The following VBP1 variants were observed in gnomAD, a reference collection of about 807,000 sequenced individuals.
The protein encoded by VBP1 is VHL binding protein 1.
Under a neutral mutation model 15.5 loss-of-function variants are expected in VBP1, and 4 were observed. The observed-to-expected ratio is 0.26, with a 90% CI of 0.13 to 0.59. The LOEUF (loss-of-function observed/expected upper bound fraction) is 0.59. VBP1 is among the 20% of genes least tolerant of loss of function. The probability of loss-of-function intolerance (pLI) is 0.90; values close to 1 mark genes in which losing one functional copy is unlikely to be tolerated. For missense variants in VBP1, 108 were observed against 139.6 expected (o/e 0.77, Z 1.14); for synonymous variants, 61 against 52.1 (o/e 1.17, Z -0.74).
intron 1 of VBP1, among the ~76,000 whole-genome samples, chrX:155,219,712 C>CAAA (rs1419749167): frequency 9.0e-5 from 10 of 111,184 alleles, no homozygotes; most frequent in Non-Finnish European, 1.7e-4. Flanking sequence ...TTCTTCTTTT[C>CAAA]CTATTTTTGA....
At chrX:155,229,689 T>A (rs114655845) in intron 4 of VBP1, among the ~76,000 whole-genome samples, 3,266 of 111,721 alleles carry the variant, frequency 0.029, 110 homozygotes, top group African/African-American at 0.098. Flanking sequence ...TGCTGAGCTC[T>A]TCTTGCTCTT....
chrX:155,236,109 A>G, intron 4 of VBP1, 120 bp from the exon 5 acceptor site: 2 of 808,137 alleles, frequency 2.5e-6, no homozygotes, highest in East Asian at 3.5e-5. Context: ...GTGAAACTTA[A>G]CTTACAACAA....
intron 3 of VBP1, among the ~76,000 whole-genome samples, chrX:155,227,821 A>C (rs2074726192): frequency 8.9e-6 from 1 of 112,369 alleles, no homozygotes; most frequent in Non-Finnish European, 1.9e-5. Flanking sequence ...GTCTTAATCC[A>C]GTATTCATTA....
chrX:155,199,922 A>T (rs201980686), intron 1 of VBP1, among the ~76,000 whole-genome samples: 4,202 of 57,906 alleles, frequency 0.073, no homozygotes, highest in African/African-American at 0.081. Flanking sequence ...AGATCTACCA[A>T]GCAAATGGAA....
chrX:155,202,131 A>C (rs1208333207), intron 1 of VBP1, among the ~76,000 whole-genome samples: 1 of 111,961 alleles, frequency 8.9e-6, no homozygotes. Flanking sequence ...AAATGGAAGA[A>C]CATTCCATGC....
intron 1 of VBP1, among the ~76,000 whole-genome samples, chrX:155,197,804 G>A (rs190117852): frequency 8.9e-6 from 1 of 112,535 alleles, no homozygotes; most frequent in Non-Finnish European, 1.9e-5. Context: ...AGCAGGGCGA[G>A]GCATTGCCTC....
rs951691151 is a variant in VBP1 at position 155,236,093 on chromosome X, G to A, written c.385-136G>A. 1.5e-5 allele frequency: 10 copies of A among 662,704 alleles called. No individual in the cohort carries two copies. The African/African-American group carries it at 2.0e-4, about 13-fold the overall frequency. 54.6% of individuals were successfully genotyped at this position (662,704 alleles called of 1,213,427 possible). A position where few individuals can be genotyped will look rare whatever the true frequency, so the allele number is the denominator to read the frequency against. On this transcript the variant is annotated intron_variant, in intron 4 of 5. Transcript: ENST00000286428. ...GAAAGCCTGAGTAGAGAATAGCTGGGCTCCAGTGAAACTTAACTTACAACA... is the reference window on the plus strand; with the variant it reads ...GAAAGCCTGAGTAGAGAATAGCTGGACTCCAGTGAAACTTAACTTACAACA...
rs782088320 is a variant in VBP1 at position 155,228,441 on chromosome X, G to A, written c.343G>A (p.Ala115Thr). The A allele has an allele frequency of 8.3e-7, 1 of 1,206,848 alleles. No homozygotes were observed. Among genetic ancestry groups the A allele is most frequent in the Admixed American group, 2.2e-5 (1 of 45,446 alleles). Residue 115 changes from alanine (A) to threonine (T), a missense_variant, in exon 4 of 6, where the codon GCT becomes ACT. Coordinates refer to ENST00000286428, the MANE Select transcript of VBP1 (RefSeq NM_003372.7). ...GCTGGCAGATAACCTGTATTGCAAAGCTTCAGTTCCTCCTACCGATAAAGT... is the reference window on the plus strand; with the variant it reads ...GCTGGCAGATAACCTGTATTGCAAAACTTCAGTTCCTCCTACCGATAAAGT... ...FLLADNLYCK[A>T]SVPPTDKVCL... is the part of the protein sequence containing the mutation.
At chrX:155,215,633 AT>A (rs1261549172), upstream of VBP1, among the ~76,000 whole-genome samples, 1 of 112,393 alleles carries the variant, frequency 8.9e-6, no homozygotes, top group Non-Finnish European at 1.9e-5. Flanking sequence ...CTTACTTTCC[AT>A]TGCGTAATTC....
chrX:155,231,201 CAGG>C (rs2074744636), intron 4 of VBP1, among the ~76,000 whole-genome samples: 3 of 112,193 alleles, frequency 2.7e-5, no homozygotes, highest in Non-Finnish European at 5.6e-5. Context: ...GTCCTTTCCA[CAGG>C]ACAGCCCTAC....
intron 1 of VBP1, among the ~76,000 whole-genome samples, chrX:155,206,334 C>A (rs1301255578): frequency 9.1e-6 from 1 of 109,503 alleles, no homozygotes; most frequent in African/African-American, 3.3e-5. Flanking sequence ...CTTGGGTTCA[C>A]GCCATTCTCC....
At chrX:155,222,068 G>C (rs1185115031) in intron 2 of VBP1, among the ~76,000 whole-genome samples, 4 of 112,569 alleles carry the variant, frequency 3.6e-5, no homozygotes, top group Non-Finnish European at 7.5e-5. Flanking sequence ...TTGCTTAGCT[G>C]TTTTCTTAAT....
At chrX:155,229,671 A>G (rs1412600784) in intron 4 of VBP1, among the ~76,000 whole-genome samples, 1 of 109,739 alleles carries the variant, frequency 9.1e-6, no homozygotes, top group Admixed American at 9.7e-5. Flanking sequence ...CTTTCTCTTC[A>G]TTTTCTTTGC....
intron 2 of VBP1, among the ~76,000 whole-genome samples, chrX:155,220,605 A>G (rs1013190340): frequency 8.9e-6 from 1 of 111,745 alleles, no homozygotes; most frequent in Non-Finnish European, 1.9e-5. Context: ...TCATCCTTCT[A>G]ATTTTGCCAG....
intron 1 of VBP1, 133 bp downstream of exon 1, chrX:155,216,708 C>T (rs965810911): frequency 1.1e-6 from 1 of 912,849 alleles, no homozygotes; most frequent in Middle Eastern, 3.6e-4. Flanking sequence ...TCGGTCTGCT[C>T]TCACCCCTCG....
chrX:155,224,176 C>T (rs1457376099), intron 2 of VBP1, among the ~76,000 whole-genome samples: 2 of 111,980 alleles, frequency 1.8e-5, no homozygotes, highest in Non-Finnish European at 3.8e-5. Flanking sequence ...CAGGCAGAGA[C>T]GCTCCTCACT....
At position 155,216,460 on chromosome X, in the gene VBP1, A is replaced by C; in HGVS notation, c.-23A>C. The C allele has an allele frequency of 8.6e-7, 1 of 1,164,493 alleles. No individual in the cohort carries two copies. The highest frequency in any genetic ancestry group is 1.1e-6 in the Non-Finnish European group (1 of 871,184). On this transcript the variant is annotated 5_prime_UTR_variant, in exon 1 of 6. Coordinates refer to ENST00000286428, the MANE Select transcript of VBP1 (RefSeq NM_003372.7). ...CCCGGCGGCCGGCGGCCCGGGAGGCAGTCGCGCGCTCGCATCCCCAAGATG... is the reference window on the plus strand; with the variant it reads ...CCCGGCGGCCGGCGGCCCGGGAGGCCGTCGCGCGCTCGCATCCCCAAGATG...
At chrX:155,206,221 A>ATT (rs2074625591) in intron 1 of VBP1, among the ~76,000 whole-genome samples, 1 of 96,451 alleles carries the variant, frequency 1.0e-5, no homozygotes, top group Admixed American at 1.2e-4. Context: ...TGAAAAGGTG[A>ATT]CTCAGTCTTG....
intron 1 of VBP1, among the ~76,000 whole-genome samples, chrX:155,200,993 T>G (rs1348495370): frequency 9.0e-6 from 1 of 111,080 alleles, no homozygotes; most frequent in Non-Finnish European, 1.9e-5. Context: ...TCTGCGCAAA[T>G]AAACTAGAAA....
Sources: allele counts gnomAD v4.1 joint callset (sites outside exome capture counted in the v4.1 genomes callset), GRCh38; gene constraint gnomAD v4.1.1; transcripts MANE v1.5; gene names NCBI Gene and HGNC (gene_info 2026-07-23, HGNC 2026-07-21).